UBE2H: variants seen among roughly 807,000 people sequenced by gnomAD.
The protein encoded by UBE2H is ubiquitin conjugating enzyme E2 H.
UBE2H carries 3 observed loss-of-function variants against 29.0 expected under a neutral mutation model. The observed-to-expected ratio is 0.10, with a 90% CI of 0.05 to 0.27. The LOEUF is 0.27. Ranked by LOEUF, UBE2H falls within the 10% of genes least tolerant of loss-of-function variation. The pLI is 1.00. For missense variants in UBE2H, 68 were observed against 228.2 expected, an observed-to-expected ratio of 0.30 and a Z score of 4.52; for synonymous variants, 69 against 82.9, an observed-to-expected ratio of 0.83 and a Z score of 0.91.
At chr7:129,946,129 T>C (rs1414831436) in intron 1 of UBE2H, among the ~76,000 whole-genome samples, 3 of 150,954 alleles carry the variant, frequency 2.0e-5, no homozygotes, top group African/African-American at 7.3e-5. Context: ...CTCTGCTCAC[T>C]GCAAGCTCCG....
intron 1 of UBE2H, among the ~76,000 whole-genome samples, chr7:129,947,097 G>C (rs140983287): frequency 1.6e-3 from 240 of 152,274 alleles, no homozygotes; most frequent in African/African-American, 5.6e-3. Context: ...CAGGAGGGAC[G>C]TTTATGGGTC....
intron 1 of UBE2H, among the ~76,000 whole-genome samples, chr7:129,945,961 G>T (rs1447118558): frequency 6.6e-6 from 1 of 151,870 alleles, no homozygotes; most frequent in African/African-American, 2.4e-5. Context: ...AGTCAAGCAG[G>T]TCTCAAACTC....
chr7:129,835,093 A>G (rs1300786253), intron 6 of UBE2H, 32 bp from the exon 7 acceptor site: 4 of 1,613,596 alleles, frequency 2.5e-6, no homozygotes, highest in Non-Finnish European at 3.4e-6. Context: ...CAACAAGGGC[A>G]GTGAGTGGGC....
intron 3 of UBE2H, among the ~76,000 whole-genome samples, chr7:129,867,712 A>AG (rs1805935689): frequency 2.2e-5 from 2 of 89,380 alleles, no homozygotes; most frequent in South Asian, 7.6e-4. Context: ...AAAAAAAAAA[A>AG]AAAAAGAAAA....
chr7:129,916,840 A>T (rs1414873654), intron 1 of UBE2H, among the ~76,000 whole-genome samples: 2 of 152,152 alleles, frequency 1.3e-5, no homozygotes, highest in Admixed American at 6.5e-5. Flanking sequence ...GATCAAGACC[A>T]TCCTGGCTAA....
chr7:129,849,622 C>A (rs1438343135), intron 5 of UBE2H, among the ~76,000 whole-genome samples: 18 of 152,086 alleles, frequency 1.2e-4, no homozygotes, highest in Non-Finnish European at 8.8e-5. Flanking sequence ...TTGAACTCAA[C>A]TTCAGTGACA....
intron 1 of UBE2H, chr7:129,949,087 C>A (rs1241226972): frequency 2.2e-6 from 1 of 454,414 alleles, no homozygotes; most frequent in Non-Finnish European, 4.4e-6. Flanking sequence ...GCAGCTCTAG[C>A]CTTCAGCAGG....
intron 5 of UBE2H, among the ~76,000 whole-genome samples, chr7:129,845,863 A>C (rs1426375260): frequency 6.6e-6 from 1 of 152,234 alleles, no homozygotes; most frequent in African/African-American, 2.4e-5. Flanking sequence ...TAACATTGCT[A>C]TTCCTTACAG....
In UBE2H at chr7:129,868,150, G is replaced by T. The variant is rs143917983; in HGVS notation, c.206-9209C>A. Among the ~76,000 whole-genome samples the T allele has an allele frequency of 8.2e-3, 1,251 of 152,282 alleles. 10 individuals are homozygous for T. Among genetic ancestry groups the T allele is most frequent in the Non-Finnish European group, 0.014 (953 of 68,014 alleles). The stretch of plus-strand genomic sequence containing the variant: ...AAAGAAATAGATTTAATGCCAAAAA[G>T]ATGTCAGAATAACCAGCTCAAAAGC... On this transcript the variant is annotated intron_variant, in intron 3 of 6. Transcript: ENST00000355621.
chr7:129,869,600 G>A (rs1472047981), intron 3 of UBE2H, among the ~76,000 whole-genome samples: 2 of 152,142 alleles, frequency 1.3e-5, no homozygotes, highest in African/African-American at 4.8e-5. Context: ...ATCTAGCAAA[G>A]CTACCACAGG....
intron 5 of UBE2H, among the ~76,000 whole-genome samples, chr7:129,856,684 C>T (rs916878015): frequency 1.3e-5 from 2 of 152,158 alleles, no homozygotes; most frequent in African/African-American, 2.4e-5. Flanking sequence ...TAATTAACTT[C>T]AAATACACAA....
Position 129,922,467 on chromosome 7 carries a change from G to A in UBE2H, c.53+30036C>T, listed in dbSNP as rs147512348. 6.3e-3 allele frequency among the ~76,000 whole-genome samples: 952 copies of A among 151,930 alleles called. 14 individuals carry two copies. The highest frequency in any genetic ancestry group is 0.022 in the African/African-American group (911 of 41,422). On this transcript the variant is annotated intron_variant, in intron 1 of 6. Transcript: ENST00000355621. ...CGCCTGGCTAATTTTTGTAGAGATG[G>A]GATTTCAACATTTTGGCCATGCTGG...
chr7:129,881,818 A>G (rs1167621457), intron 1 of UBE2H, among the ~76,000 whole-genome samples: 2 of 152,208 alleles, frequency 1.3e-5, no homozygotes, highest in African/African-American at 4.8e-5. Flanking sequence ...TAAACTGGAA[A>G]TGCTATGCTC....
At chr7:129,895,556 A>G (rs1222273246) in intron 1 of UBE2H, among the ~76,000 whole-genome samples, 5 of 152,130 alleles carry the variant, frequency 3.3e-5, no homozygotes, top group Non-Finnish European at 7.4e-5. Context: ...TAATGAAAAC[A>G]TCTATTTATT....
Position 129,834,933 on chromosome 7 carries a change from TCTA to T in UBE2H, c.*1_*3del. On this transcript the variant is annotated 3_prime_UTR_variant, in exon 7 of 7. Coordinates refer to ENST00000355621, the MANE Select transcript of UBE2H (RefSeq NM_003344.4). ...GTCTTTCTGAAAAGCAGGTGCTTTT[TCTA>T]CTACAACTCCATATCCTGGGCCTCA... 6.2e-7 allele frequency: 1 copy of T among 1,612,640 alleles called. No homozygotes were observed. The highest frequency in any genetic ancestry group is 2.2e-5 in the East Asian group (1 of 44,888).
At chr7:129,847,244 G>A (rs1805528833) in intron 5 of UBE2H, among the ~76,000 whole-genome samples, 1 of 152,114 alleles carries the variant, frequency 6.6e-6, no homozygotes, top group South Asian at 2.1e-4. Context: ...TTGCCATGTT[G>A]GCCAGGCTGG....
chr7:129,927,660 C>A (rs1002886646), intron 1 of UBE2H, among the ~76,000 whole-genome samples: 9 of 152,070 alleles, frequency 5.9e-5, no homozygotes, highest in African/African-American at 2.2e-4. Context: ...CTTATAATTC[C>A]CAGCATCATG....
Position 129,862,196 on chromosome 7 carries a change from G to A in UBE2H, c.206-3255C>T, listed in dbSNP as rs539566703. 1.4e-4 allele frequency among the ~76,000 whole-genome samples: 22 copies of A among 152,260 alleles called. No homozygotes were observed. The East Asian group carries it at 4.2e-3, about 29-fold the overall frequency. On this transcript the variant is annotated intron_variant, in intron 3 of 6. Coordinates refer to ENST00000355621, the MANE Select transcript of UBE2H (RefSeq NM_003344.4). ...AGCCACTATGTGGTTTAATGCAAGAGAATGGTCCTACTATATGAAAAATAT... is the reference window on the plus strand; with the variant it reads ...AGCCACTATGTGGTTTAATGCAAGAAAATGGTCCTACTATATGAAAAATAT...
chr7:129,896,851 C>A (rs1806611021), intron 1 of UBE2H, among the ~76,000 whole-genome samples: 1 of 152,164 alleles, frequency 6.6e-6, no homozygotes, highest in Non-Finnish European at 1.5e-5. Flanking sequence ...ATGAATCATT[C>A]ACAGTAAGCA....
Sources: gnomAD v4.1 joint callset for allele counts (sites outside exome capture counted in the v4.1 genomes callset) on GRCh38, gnomAD v4.1.1 for gene constraint, MANE v1.5 for transcripts, NCBI Gene and HGNC (gene_info 2026-07-23, HGNC 2026-07-21) for gene names.